Variants in PRKCZ observed in about 807,000 individuals in gnomAD.
PRKCZ encodes the protein protein kinase C zeta, also known as protein kinase C zeta type.
PRKCZ carries 33 observed loss-of-function variants against 79.5 expected under a neutral mutation model. The observed-to-expected ratio is 0.41, with a 90% CI of 0.31 to 0.55. PRKCZ has a LOEUF of 0.55. Ranked by LOEUF, PRKCZ falls within the 20% of genes least tolerant of loss-of-function variation. The pLI, the probability that PRKCZ is intolerant of heterozygous loss-of-function variation, is 0.19. For missense variants in PRKCZ, 578 were observed against 813.5 expected (o/e 0.71, Z 3.52); for synonymous variants, 342 against 320.9 (o/e 1.07, Z -0.70).
At chr1:2,100,498 G>C (rs1449371003) in intron 4 of PRKCZ, among the ~76,000 whole-genome samples, 1 of 152,230 alleles carries the variant, frequency 6.6e-6, no homozygotes, top group Non-Finnish European at 1.5e-5. Flanking sequence ...ATCTCCTCCA[G>C]GCACTGGCTC....
At chr1:2,160,765 G>T (rs1682096131) in intron 10 of PRKCZ, among the ~76,000 whole-genome samples, 1 of 152,174 alleles carries the variant, frequency 6.6e-6, no homozygotes, top group Non-Finnish European at 1.5e-5. Context: ...AGAAGTCAGG[G>T]CAGTGCTGGC....
At chr1:2,182,684 A>C (rs1040805600) in intron 16 of PRKCZ, 1 of 154,842 alleles carries the variant, frequency 6.5e-6, no homozygotes, top group African/African-American at 2.4e-5. Flanking sequence ...GCGCGCCGTG[A>C]CATCCTCCCC....
At chr1:2,161,404 C>T (rs1257366295) in intron 10 of PRKCZ, among the ~76,000 whole-genome samples, 3 of 152,212 alleles carry the variant, frequency 2.0e-5, no homozygotes, top group Non-Finnish European at 2.9e-5. Context: ...CGAGGGCGTC[C>T]TGCACTCTTC....
intron 4 of PRKCZ, among the ~76,000 whole-genome samples, chr1:2,124,933 C>T (rs1001933789): frequency 5.9e-5 from 9 of 152,194 alleles, no homozygotes; most frequent in African/African-American, 1.2e-4. Context: ...AGACTCCTCG[C>T]GTGGCGTCCC....
intron 4 of PRKCZ, among the ~76,000 whole-genome samples, chr1:2,110,582 A>T (rs892866434): frequency 6.6e-6 from 1 of 152,178 alleles, no homozygotes; most frequent in South Asian, 2.1e-4. Context: ...AGGTCCCCCA[A>T]GTCCCTGGAG....
intron 4 of PRKCZ, among the ~76,000 whole-genome samples, chr1:2,134,541 C>T (rs1044629075): frequency 6.6e-6 from 1 of 152,166 alleles, no homozygotes; most frequent in African/African-American, 2.4e-5. Flanking sequence ...AGGCTTGGTG[C>T]CGCCTTTCTC....
At chr1:2,060,554 G>C (rs1346121388) in intron 4 of PRKCZ, among the ~76,000 whole-genome samples, 4 of 152,146 alleles carry the variant, frequency 2.6e-5, no homozygotes, top group Non-Finnish European at 5.9e-5. Flanking sequence ...AGCGCTTAGC[G>C]TAGGGGAGGC....
upstream of PRKCZ, among the ~76,000 whole-genome samples, chr1:2,049,035 G>T (rs1348723175): frequency 6.6e-6 from 1 of 152,148 alleles, no homozygotes; most frequent in African/African-American, 2.4e-5. Context: ...GCATGGTGGT[G>T]GACACCTGTA....
chr1:2,055,448 T>A lies in PRKCZ; in HGVS notation c.79T>A (p.Phe27Ile). The part of the protein sequence containing the change: ...RLKAHYGGDI[F>I]ITSVDAATTF... ...ATGTCCCCTCTGCCCCAGGGACATC[T>A]TCATCACCAGCGTGGACGCCGCCAC... Residue 27 changes from phenylalanine to isoleucine, a missense_variant, in exon 2 of 18, where the codon TTC (phenylalanine) becomes ATC (isoleucine). Physicochemically the swap from Phe to Ile is conservative, Grantham distance 21. Coordinates refer to ENST00000378567, the MANE Select transcript of PRKCZ (RefSeq NM_002744.6). 1 of 1,612,640 alleles carries A rather than the reference T, an allele frequency of 6.2e-7. No individual in the cohort carries two copies. The highest frequency in any genetic ancestry group is 8.5e-7 in the Non-Finnish European group (1 of 1,179,168).
At chr1:2,158,854 G>A (rs1314128413) in intron 10 of PRKCZ, among the ~76,000 whole-genome samples, 4 of 152,158 alleles carry the variant, frequency 2.6e-5, no homozygotes, top group Non-Finnish European at 4.4e-5. Context: ...TCCCCGCAGC[G>A]GCACCAATCA....
At chr1:2,170,600 C>A (rs558824584) in intron 11 of PRKCZ, among the ~76,000 whole-genome samples, 1 of 152,216 alleles carries the variant, frequency 6.6e-6, no homozygotes, top group South Asian at 2.1e-4. Context: ...CCAGAGCACG[C>A]CCCTCTTCCC....
chr1:2,162,768 C>T (rs984057062), intron 10 of PRKCZ, among the ~76,000 whole-genome samples: 2 of 152,134 alleles, frequency 1.3e-5, no homozygotes. Flanking sequence ...TTAATTTTGT[C>T]TTGAGTGTTT....
chr1:2,079,058 G>A (rs912096874), intron 4 of PRKCZ, among the ~76,000 whole-genome samples: 10 of 152,116 alleles, frequency 6.6e-5, no homozygotes, highest in African/African-American at 2.4e-4. Flanking sequence ...TAGCCAGGAT[G>A]GTCTCGATCT....
chr1:2,152,723 G>T (rs759632278), intron 9 of PRKCZ, among the ~76,000 whole-genome samples: 1 of 152,194 alleles, frequency 6.6e-6, no homozygotes, highest in African/African-American at 2.4e-5. Context: ...TTCCTCTGCG[G>T]ACTTCCGTCT....
intron 4 of PRKCZ, among the ~76,000 whole-genome samples, chr1:2,096,734 A>C (rs1666592649): frequency 6.6e-6 from 1 of 152,090 alleles, no homozygotes; most frequent in Non-Finnish European, 1.5e-5. Flanking sequence ...TTGCTCGTTC[A>C]ACTCAGGAAC....
At chr1:2,157,448 C>A (rs556285686) in intron 10 of PRKCZ, among the ~76,000 whole-genome samples, 2 of 151,928 alleles carry the variant, frequency 1.3e-5, no homozygotes, top group African/African-American at 4.8e-5. Flanking sequence ...GATGGAGTCT[C>A]GCTCTATCAC....
intron 4 of PRKCZ, among the ~76,000 whole-genome samples, chr1:2,092,202 G>A (rs1446656221): frequency 1.3e-5 from 2 of 149,240 alleles, no homozygotes; most frequent in Admixed American, 6.7e-5. Flanking sequence ...CCTCACCCCC[G>A]CCGCCCTCCC....
intron 1 of PRKCZ, 114 bp from the exon 2 acceptor site, chr1:2,055,327 T>G: frequency 7.5e-7 from 1 of 1,328,516 alleles, no homozygotes; most frequent in Non-Finnish European, 1.0e-6. Flanking sequence ...TGTCATATTG[T>G]CTTTGGGGAA....
chr1:2,156,630 G>T, intron 10 of PRKCZ: 1 of 159,154 alleles, frequency 6.3e-6, no homozygotes, highest in African/African-American at 2.4e-5. Context: ...GGACTGCTGG[G>T]ATCAATCATG....
Sources: gnomAD v4.1 joint callset for allele counts (sites outside exome capture counted in the v4.1 genomes callset) on GRCh38, gnomAD v4.1.1 for gene constraint, MANE v1.5 for transcripts, NCBI Gene and HGNC (gene_info 2026-07-23, HGNC 2026-07-21) for gene names.